FSTL4: variants seen among roughly 807,000 people sequenced by gnomAD.
FSTL4 encodes the protein follistatin-related protein 4.
Under a neutral mutation model 78.2 loss-of-function variants are expected in FSTL4, and 28 were observed. The ratio of observed to expected loss-of-function variants is 0.36; its 90% CI spans 0.27 to 0.49. The LOEUF (loss-of-function observed/expected upper bound fraction) is 0.49. Among genes scored for constraint, FSTL4 ranks in the 20% least tolerant of loss-of-function variants. The probability of loss-of-function intolerance (pLI) is 0.98; values close to 1 mark genes in which losing one functional copy is unlikely to be tolerated. For missense variants in FSTL4, 922 were observed against 1,084.9 expected, an observed-to-expected ratio of 0.85 and a Z score of 2.11; for synonymous variants, 422 against 440.5, an observed-to-expected ratio of 0.96 and a Z score of 0.53.
chr5:133,819,332 C>T, the FSTL4 span, among the ~76,000 whole-genome samples: 1 of 152,058 alleles, frequency 6.6e-6, no homozygotes, highest in Non-Finnish European at 1.5e-5. Flanking sequence ...TTTTTAGATG[C>T]AGGTTTCAGG....
At chr5:133,762,828 C>T in the FSTL4 span, among the ~76,000 whole-genome samples, 1 of 152,166 alleles carries the variant, frequency 6.6e-6, no homozygotes, top group African/African-American at 2.4e-5. Flanking sequence ...TCTCTCTATC[C>T]CTCCAGCAAG....
intron 2 of FSTL4, chr5:133,575,414 C>T (rs1344391269): frequency 6.9e-6 from 1 of 144,846 alleles, no homozygotes; most frequent in Non-Finnish European, 1.5e-5. Context: ...ATAGCACATT[C>T]CACATAGAGT....
At chr5:133,610,944 C>G (rs973516459) in intron 1 of FSTL4, among the ~76,000 whole-genome samples, 2 of 152,044 alleles carry the variant, frequency 1.3e-5, no homozygotes, top group Non-Finnish European at 2.9e-5. Context: ...ATTCTGTTTA[C>G]GTTTGGCCCA....
the FSTL4 span, among the ~76,000 whole-genome samples, chr5:133,701,117 TGAGAGCCAG>T: frequency 6.6e-6 from 1 of 152,060 alleles, no homozygotes; most frequent in African/African-American, 2.4e-5. Flanking sequence ...AAAAACCAGG[TGAGAGCCAG>T]GCATGGTGGC....
At chr5:133,820,664 G>A in the FSTL4 span, among the ~76,000 whole-genome samples, 8 of 152,194 alleles carry the variant, frequency 5.3e-5, no homozygotes, top group African/African-American at 1.4e-4. Context: ...TGCAACATTC[G>A]CCAAACCCGG....
At chr5:133,730,312 G>A in the FSTL4 span, among the ~76,000 whole-genome samples, 3 of 152,190 alleles carry the variant, frequency 2.0e-5, no homozygotes, top group African/African-American at 7.2e-5. Flanking sequence ...TCTTCTTAAA[G>A]AAGAGCCAAC....
the FSTL4 span, among the ~76,000 whole-genome samples, chr5:133,676,340 A>T: frequency 6.6e-6 from 1 of 152,234 alleles, no homozygotes; most frequent in African/African-American, 2.4e-5. Flanking sequence ...CCTTTCAGAT[A>T]GATGGAGAAA....
chr5:133,407,296 A>G (rs775979804), intron 3 of FSTL4, among the ~76,000 whole-genome samples: 3 of 152,170 alleles, frequency 2.0e-5, no homozygotes, highest in Non-Finnish European at 2.9e-5. Flanking sequence ...TTCCATCTTC[A>G]TCACCTCCCT....
At chr5:133,707,075 C>T in the FSTL4 span, among the ~76,000 whole-genome samples, 1 of 152,230 alleles carries the variant, frequency 6.6e-6, no homozygotes, top group African/African-American at 2.4e-5. Flanking sequence ...GAGTTTCCCT[C>T]TTCTACAAAG....
intron 6 of FSTL4, among the ~76,000 whole-genome samples, chr5:133,264,091 G>T (rs192339943): frequency 2.0e-3 from 311 of 152,246 alleles, no homozygotes; most frequent in African/African-American, 7.2e-3. Flanking sequence ...TGGGGAGGGG[G>T]TGGTTTCTTA....
chr5:133,372,245 C>CCATGTATCTATGTATGTATGTATGTATG (rs1554108981), intron 4 of FSTL4, among the ~76,000 whole-genome samples: 1 of 140,122 alleles, frequency 7.1e-6, no homozygotes, highest in Non-Finnish European at 1.5e-5. Flanking sequence ...ATCTATGTAT[C>CCATGTATCTATGTATGTATGTATGTATG]TATGTATGTA....
At chr5:133,246,396 G>A (rs750373924) in intron 7 of FSTL4, 3 of 152,264 alleles carry the variant, frequency 2.0e-5, no homozygotes, top group Non-Finnish European at 2.9e-5. Context: ...TTTCTTCTAA[G>A]GTTTGCTTTC....
the FSTL4 span, among the ~76,000 whole-genome samples, chr5:133,707,493 T>C: frequency 7.0e-4 from 106 of 152,272 alleles, 2 homozygotes; most frequent in African/African-American, 2.3e-3. Flanking sequence ...ATGATGCACA[T>C]GAAGGAGGAA....
intron 14 of FSTL4, among the ~76,000 whole-genome samples, chr5:133,203,360 C>T (rs1254409933): frequency 2.6e-5 from 4 of 152,208 alleles, no homozygotes; most frequent in Non-Finnish European, 5.9e-5. Context: ...GCTCTGGATG[C>T]TTCTACTTTT....
intron 8 of FSTL4, among the ~76,000 whole-genome samples, chr5:133,231,073 C>G (rs1751482726): frequency 2.6e-5 from 4 of 152,094 alleles, no homozygotes; most frequent in Admixed American, 2.6e-4. Context: ...CTAGACACCA[C>G]CCCAGCTCGG....
At chr5:133,736,477 C>G in the FSTL4 span, among the ~76,000 whole-genome samples, 1 of 152,164 alleles carries the variant, frequency 6.6e-6, no homozygotes, top group Non-Finnish European at 1.5e-5. Context: ...AAAGCCACAA[C>G]CTTGATTCTG....
At chr5:133,745,434 T>TG in the FSTL4 span, among the ~76,000 whole-genome samples, 2 of 152,312 alleles carry the variant, frequency 1.3e-5, no homozygotes, top group Admixed American at 1.3e-4. Context: ...AAGCTGCTGG[T>TG]GGGGGGTAGA....
intron 2 of FSTL4, among the ~76,000 whole-genome samples, chr5:133,602,829 G>T (rs1224066221): frequency 1.3e-5 from 2 of 152,190 alleles, no homozygotes; most frequent in African/African-American, 4.8e-5. Context: ...GTAGGTTTGG[G>T]ATTGCATTAC....
At chr5:133,310,998 A>G (rs1252821605) in intron 6 of FSTL4, among the ~76,000 whole-genome samples, 1 of 152,204 alleles carries the variant, frequency 6.6e-6, no homozygotes, top group Admixed American at 6.5e-5. Context: ...ATGCAGGTCA[A>G]TGTATAACAA....
Sources: allele counts gnomAD v4.1 joint callset (sites outside exome capture counted in the v4.1 genomes callset), GRCh38; gene constraint gnomAD v4.1.1; transcripts MANE v1.5; gene names NCBI Gene and HGNC (gene_info 2026-07-23, HGNC 2026-07-21).